TBC1D17: variants seen among roughly 807,000 people sequenced by gnomAD.
The protein encoded by TBC1D17 is TBC1 domain family, member 17.
TBC1D17 carries 69 observed loss-of-function variants against 78.8 expected under a neutral mutation model. The observed-to-expected ratio is 0.88, with a 90% CI of 0.72 to 1.07. TBC1D17 has a LOEUF of 1.07. Among genes scored for constraint, TBC1D17 ranks in the 50% least tolerant of loss-of-function variants. The probability of loss-of-function intolerance (pLI) is 0.00; values close to 1 mark genes in which losing one functional copy is unlikely to be tolerated. For synonymous variants in TBC1D17, 456 were observed against 358.3 expected (o/e 1.27, Z -3.08); for missense variants, 957 against 861.0 (o/e 1.11, Z -1.39).
rs1382256450 is a variant in TBC1D17, at chr19:49,884,645, C to G, written c.1345-14C>G. On this transcript the variant is annotated splice_polypyrimidine_tract_variant and intron_variant, in intron 12 of 16. Coordinates refer to ENST00000221543, the MANE Select transcript of TBC1D17 (RefSeq NM_024682.3). Reference sequence around the variant, plus strand: ...CACGGGGTCTGCTCTTTCCCCCCTCCTTCCGTCCCACAGCAAGGGAACTTT... The same window carrying G: ...CACGGGGTCTGCTCTTTCCCCCCTCGTTCCGTCCCACAGCAAGGGAACTTT... 6.2e-7 allele frequency: 1 copy of G among 1,614,134 alleles called. No individual in the cohort carries two copies. The highest frequency in any genetic ancestry group is 1.7e-5 in the Admixed American group (1 of 60,028).
In TBC1D17 at chr19:49,887,722, T is replaced by C; in HGVS notation, c.1547T>C (p.Leu516Pro). 1 of 1,613,792 alleles carries C rather than the reference T, an allele frequency of 6.2e-7. No homozygotes were observed. Among genetic ancestry groups the C allele is most frequent in the Non-Finnish European group, 8.5e-7 (1 of 1,179,870 alleles). Residue 516 changes from leucine (L) to proline (P), a missense_variant, in exon 15 of 17, where the codon CTG becomes CCG. Leu to Pro is a moderately conservative substitution (Grantham distance 98). Transcript: ENST00000221543. ...FPDVLRLWEV[L>P]WTGLPGPNLH... ...CCCTCTGTCCCGCACCCTCAGGTGC[T>C]GTGGACAGGGCTCCCTGGCCCCAAT...
In TBC1D17 at chr19:49,882,823, G is replaced by A. The variant is rs762514021; in HGVS notation, c.858G>A (p.Trp286Ter). 1.9e-6 allele frequency: 3 copies of A among 1,610,498 alleles called. No individual in the cohort carries two copies. Among genetic ancestry groups the A allele is most frequent in the Non-Finnish European group, 1.7e-6 (2 of 1,178,768 alleles). Residue 286 changes from tryptophan to a stop codon, truncating the protein, a stop_gained, in exon 8 of 17, where the codon TGG (tryptophan) becomes TGA (stop). Transcript: ENST00000221543. LOFTEE classifies it high-confidence loss of function. ...ERGPPVTEEE[W>*]ARHVGPEGRL... ...GCCCTCCAGTTACAGAGGAGGAGTG[G>A]GCACGCCACGTGGGCCCTGAAGGTC...
At chr19:49,877,925 G>A in intron 1 of TBC1D17, 181 bp downstream of exon 1, 2 of 663,086 alleles carry the variant, frequency 3.0e-6, no homozygotes, top group Non-Finnish European at 4.8e-6. Flanking sequence ...CCATGGCCCC[G>A]CCCCCCCGGC....
chr19:49,887,330 G>A (rs1395620458), intron 13 of TBC1D17, 146 bp from the exon 14 acceptor site: 2 of 743,990 alleles, frequency 2.7e-6, no homozygotes, highest in Admixed American at 4.3e-5. Flanking sequence ...CCGCGTTCAG[G>A]GCTGCTCCTG....
chr19:49,882,793 G>A lies in TBC1D17; in HGVS notation c.828G>A (p.Glu276=). ...CVELGPRPTV[E]RGPPVTEEEW... is the part of the protein sequence containing the mutation. ...AGCTGGGGCCTCGGCCAACCGTGGA[G>A]CGGGGCCCTCCAGTTACAGAGGAGG... The change falls in exon 8 of 17, where the codon GAG becomes GAA. Residue 276 remains glutamate (E), a synonymous_variant. Coordinates refer to ENST00000221543, the MANE Select transcript of TBC1D17 (RefSeq NM_024682.3). 1.2e-6 allele frequency: 2 copies of A among 1,600,414 alleles called. No homozygotes were observed. The highest frequency in any genetic ancestry group is 1.7e-6 in the Non-Finnish European group (2 of 1,173,568).
chr19:49,880,456 C>A, intron 4 of TBC1D17, 54 bp downstream of exon 4: 1 of 1,593,266 alleles, frequency 6.3e-7, no homozygotes, highest in Non-Finnish European at 8.6e-7. Context: ...TAGGACACAT[C>A]TTGCCCTCAG....
chr19:49,882,360 C>T lies in TBC1D17; in HGVS notation c.758C>T (p.Pro253Leu), dbSNP rs777076286. ...GCCGCCTCCGACCTTCCCCCGCCAC[C>T]CGACGATGAGCCCGAGCCTGGATTC... is the stretch of plus-strand genomic sequence containing the variant. ...EGAASDLPPPPDDEPEPGFEV... is the reference protein window; with the variant it reads ...EGAASDLPPPLDDEPEPGFEV... Residue 253 changes from proline (P) to leucine (L), a missense_variant, in exon 7 of 17, where the codon CCC (proline) becomes CTC (leucine). Pro to Leu is a moderately conservative substitution (Grantham distance 98). Transcript: ENST00000221543. 22 of 1,609,546 alleles carry T rather than the reference C, an allele frequency of 1.4e-5. No individual in the cohort carries two copies. The Admixed American group carries it at 3.7e-4, about 27-fold the overall frequency.
rs1419773104 is a variant in TBC1D17 at position 49,888,741 on chromosome 19, C to T, written c.*117C>T. 2 of 983,250 alleles carry T rather than the reference C, an allele frequency of 2.0e-6. No individual in the cohort carries two copies. Among genetic ancestry groups the T allele is most frequent in the Non-Finnish European group, 1.5e-6 (1 of 687,832 alleles). The allele number at this position is 983,250 out of a possible 1,614,324, so 60.9% of individuals were successfully genotyped here. On this transcript the variant is annotated 3_prime_UTR_variant, in exon 17 of 17. Coordinates refer to ENST00000221543, the MANE Select transcript of TBC1D17 (RefSeq NM_024682.3). ...AGCTGGCTTCATTAAACTGACACTT[C>T]TCATGTGCAGTTGGCTTCTTGTTGG...
chr19:49,882,907 A>T lies in TBC1D17; in HGVS notation c.927+15A>T, dbSNP rs1422414118. On this transcript the variant is annotated intron_variant, in intron 8 of 16. Coordinates refer to ENST00000221543, the MANE Select transcript of TBC1D17 (RefSeq NM_024682.3). Reference sequence around the variant, plus strand: ...TCTTCTCGGGGGTGAGTGCCAGGACAGGTGGAAGAATGGGGCAGGGCCAGA... The same window carrying T: ...TCTTCTCGGGGGTGAGTGCCAGGACTGGTGGAAGAATGGGGCAGGGCCAGA... The T allele has an allele frequency of 3.1e-6, 5 of 1,599,506 alleles. No homozygotes were observed. The highest frequency in any genetic ancestry group is 4.3e-6 in the Non-Finnish European group (5 of 1,172,866).
intron 4 of TBC1D17, 36 bp from the exon 5 acceptor site, chr19:49,881,232 C>T: frequency 3.8e-6 from 6 of 1,580,216 alleles, no homozygotes; most frequent in Non-Finnish European, 5.2e-6. Context: ...CTCTGGCTTC[C>T]CACGCGCTTC....
chr19:49,881,988 G>A, intron 5 of TBC1D17, 53 bp from the exon 6 acceptor site: 1 of 1,485,470 alleles, frequency 6.7e-7, no homozygotes, highest in Non-Finnish European at 9.4e-7. Flanking sequence ...AGACAGCCTG[G>A]GACACTGGGC....
rs1255469972 is a variant in TBC1D17, at chr19:49,887,903, C to T, written c.1659+69C>T. The T allele has an allele frequency of 7.7e-6, 10 of 1,305,580 alleles. No individual in the cohort carries two copies. The East Asian group carries it at 2.2e-4, about 28-fold the overall frequency. 80.9% of individuals were successfully genotyped at this position (1,305,580 alleles called of 1,614,324 possible). ...GCGCTGCCCAGGGCCGCAGTACCTC[C>T]GGGGAGCAGGTGTTTAGTGTGGGAT... On this transcript the variant is annotated intron_variant, in intron 15 of 16. Coordinates refer to ENST00000221543, the MANE Select transcript of TBC1D17 (RefSeq NM_024682.3).
At chr19:49,880,439 G>C in intron 4 of TBC1D17, 37 bp downstream of exon 4, 2 of 1,609,150 alleles carry the variant, frequency 1.2e-6, no homozygotes, top group Non-Finnish European at 1.7e-6. Flanking sequence ...AGCACGTGTG[G>C]GCCAGGTAGG....
rs747041754 is a variant in TBC1D17 at position 49,887,496 on chromosome 19, C to T, written c.1465C>T (p.Leu489Phe). 8 of 1,614,038 alleles carry T rather than the reference C, an allele frequency of 5.0e-6. No individual in the cohort carries two copies. The highest frequency in any genetic ancestry group is 6.8e-6 in the Non-Finnish European group (8 of 1,180,028). ...CCCAGATTCCCAGGACTCCGGCTCT[C>T]TCTGCTTCTGTTTCCGGTGGCTGCT... ...DFLDSQDSGS[L>F]CFCFRWLLIW... is the part of the protein sequence containing the mutation. Residue 489 changes from leucine (L) to phenylalanine (F), a missense_variant, in exon 14 of 17, where the codon CTC (leucine) becomes TTC (phenylalanine). By Grantham distance (22) the Leu-to-Phe change is conservative. Transcript: ENST00000221543.
At position 49,884,263 on chromosome 19, in the gene TBC1D17, G is replaced by A. The variant is rs774277052; in HGVS notation, c.1137G>A (p.Val379=). 67 of 1,613,764 alleles carry A rather than the reference G, an allele frequency of 4.2e-5. No individual in the cohort carries two copies. Among genetic ancestry groups the A allele is most frequent in the Non-Finnish European group, 4.9e-5 (58 of 1,180,024 alleles). The change falls in exon 11 of 17, where the codon GTG becomes GTA. Residue 379 remains valine, a synonymous_variant. Coordinates refer to ENST00000221543, the MANE Select transcript of TBC1D17 (RefSeq NM_024682.3). ...HGYRSLIERD[V]SRTDRTNKFY... is the part of the protein sequence containing the mutation. ...GCCCGGTCCCCGCAGAAAGGGATGT[G>A]AGCCGCACTGACAGGACCAACAAGT... is the stretch of plus-strand genomic sequence containing the variant.
intron 2 of TBC1D17, 100 bp from the exon 3 acceptor site, chr19:49,878,398 G>C (rs1167278352): frequency 1.5e-6 from 2 of 1,341,226 alleles, no homozygotes; most frequent in Admixed American, 3.5e-5. Flanking sequence ...ACTTTGAAAG[G>C]CTGAGGGTAG....
chr19:49,884,636 T>TC (rs762612631), intron 12 of TBC1D17, 23 bp from the exon 13 acceptor site: 458 of 1,613,644 alleles, frequency 2.8e-4, no homozygotes, highest in Non-Finnish European at 3.7e-4. Flanking sequence ...GTCTGCTCTT[T>TC]CCCCCCTCCT....
chr19:49,881,022 G>A (rs981537778), intron 4 of TBC1D17, among the ~76,000 whole-genome samples: 2 of 152,162 alleles, frequency 1.3e-5, no homozygotes, highest in Admixed American at 6.5e-5. Context: ...GCCAGGTTGA[G>A]GAATAGGGCC....
chr19:49,880,036 T>G (rs2122429141), intron 3 of TBC1D17, among the ~76,000 whole-genome samples: 1 of 152,016 alleles, frequency 6.6e-6, no homozygotes, highest in South Asian at 2.1e-4. Flanking sequence ...TTGTATTTTT[T>G]TAGTAGAAAC....
Sources: gnomAD v4.1 joint callset for allele counts (sites outside exome capture counted in the v4.1 genomes callset) on GRCh38, gnomAD v4.1.1 for gene constraint, MANE v1.5 for transcripts, NCBI Gene and HGNC (gene_info 2026-07-23, HGNC 2026-07-21) for gene names.